The following IAPP variants were observed in gnomAD, a reference collection of about 807,000 sequenced individuals.
IAPP encodes the protein islet amyloid polypeptide, also known as Islet amyloid polypeptide (diabetes-associated peptide; amylin).
A neutral mutation model predicts 2.9 loss-of-function variants in IAPP; 4 were observed. That is an observed-to-expected ratio of 1.39 (90% CI 0.69 to 3.19). The LOEUF is 3.19. Ranked by LOEUF, IAPP falls within the 30% of genes most tolerant of loss-of-function variation. The pLI, the probability that IAPP is intolerant of heterozygous loss-of-function variation, is 0.01. For missense variants in IAPP, 114 were observed against 105.3 expected (o/e 1.08, Z -0.36); for synonymous variants, 40 against 42.1 (o/e 0.95, Z 0.19).
intron 1 of IAPP, among the ~76,000 whole-genome samples, chr12:21,363,486 C>T (rs951449801): frequency 6.6e-6 from 1 of 152,070 alleles, no homozygotes; most frequent in East Asian, 1.9e-4. Context: ...ATTAAAAGAA[C>T]TACAGAAGCA....
intron 2 of IAPP, among the ~76,000 whole-genome samples, chr12:21,374,792 CTTTTT>C (rs1180151557): frequency 1.5e-4 from 22 of 151,384 alleles, no homozygotes; most frequent in African/African-American, 5.1e-4. Flanking sequence ...TTTACCCTCT[CTTTTT>C]TTTATTTTAT....
chr12:21,365,305 C>T (rs1431810812), intron 1 of IAPP, among the ~76,000 whole-genome samples: 1 of 152,118 alleles, frequency 6.6e-6, no homozygotes, highest in Non-Finnish European at 1.5e-5. Context: ...GAAAGGATTC[C>T]CTATTTAATA....
intron 2 of IAPP, among the ~76,000 whole-genome samples, chr12:21,376,687 A>T (rs1229836683): frequency 6.6e-6 from 1 of 152,040 alleles, no homozygotes; most frequent in African/African-American, 2.4e-5. Flanking sequence ...TTCACATGAG[A>T]TTATTAAATA....
At chr12:21,378,127 G>A (rs554307746) in intron 2 of IAPP, 110 bp from the exon 3 acceptor site, 21 of 993,444 alleles carry the variant, frequency 2.1e-5, no homozygotes, top group Non-Finnish European at 2.9e-5. Context: ...AGTTACTTAT[G>A]TGAAAATTGT....
At chr12:21,360,084 G>T (rs1405416384) in intron 1 of IAPP, among the ~76,000 whole-genome samples, 1 of 152,044 alleles carries the variant, frequency 6.6e-6, no homozygotes, top group African/African-American at 2.4e-5. Flanking sequence ...TCTGGAAAAT[G>T]CAAACAAATC....
upstream of IAPP, among the ~76,000 whole-genome samples, chr12:21,370,401 C>T (rs538848398): frequency 1.9e-3 from 291 of 151,468 alleles, no homozygotes; most frequent in African/African-American, 6.7e-3. Flanking sequence ...CATATATATA[C>T]ATGTGCCATG....
At chr12:21,361,709 T>C (rs1938904775) in intron 1 of IAPP, among the ~76,000 whole-genome samples, 1 of 152,142 alleles carries the variant, frequency 6.6e-6, no homozygotes. Flanking sequence ...AATGACCTGA[T>C]GGAGCTGAAA....
Position 21,356,465 on chromosome 12 carries a change from G to A in IAPP, c.-16+1452G>A, listed in dbSNP as rs534619109. On this transcript the variant is annotated intron_variant, in intron 1 of 2. Transcript: ENST00000539393. ...TACCTAAAGATAACAATAGAAGAACGGGCACAGTGGGATACAAAAGAAAAA... is the reference window on the plus strand; with the variant it reads ...TACCTAAAGATAACAATAGAAGAACAGGCACAGTGGGATACAAAAGAAAAA... Among the ~76,000 whole-genome samples, 21 of 151,788 alleles carry A rather than the reference G, an allele frequency of 1.4e-4. 1 individual carries two copies. Among genetic ancestry groups the A allele is most frequent in the Admixed American group, 1.1e-3 (17 of 15,236 alleles).
intron 1 of IAPP, among the ~76,000 whole-genome samples, chr12:21,357,932 G>A (rs571184801): frequency 6.6e-6 from 1 of 152,226 alleles, no homozygotes; most frequent in Non-Finnish European, 1.5e-5. Flanking sequence ...CTCCATAAAA[G>A]CACACAAAGA....
rs1403504221 is a variant in IAPP, at chr12:21,362,741, T to A, written c.-16+7728T>A. ...AAATGGAAAACAAAAAAAGGCAGGG[T>A]TGCAATCCTAGTCTCTGATAAAACA... On this transcript the variant is annotated intron_variant, in intron 1 of 2. Coordinates refer to the IAPP transcript ENST00000539393. Among the ~76,000 whole-genome samples, 4 of 152,028 alleles carry A rather than the reference T, an allele frequency of 2.6e-5. No homozygotes were observed. In the South Asian group the frequency reaches 8.3e-4, roughly 32 times the overall value.
At chr12:21,355,604 G>C (rs1938305637) in intron 1 of IAPP, among the ~76,000 whole-genome samples, 1 of 152,162 alleles carries the variant, frequency 6.6e-6, no homozygotes, top group Admixed American at 6.6e-5. Flanking sequence ...AGTGATCCTA[G>C]ATGTTAGGGA....
rs1939194716 is a variant in IAPP at position 21,364,343 on chromosome 12, A to C, written c.-15-8994A>C. On this transcript the variant is annotated intron_variant, in intron 1 of 2. Coordinates refer to the IAPP transcript ENST00000539393. ...GAAGAAAAGGCCTTTGACAAAATTT[A>C]ACAGCTCTTCATGCTGAAAACTCTC... is the stretch of plus-strand genomic sequence containing the variant. Among the ~76,000 whole-genome samples the C allele has an allele frequency of 2.0e-5, 3 of 152,246 alleles. No homozygotes were observed. In the South Asian group the frequency reaches 6.2e-4, roughly 31 times the overall value.
At chr12:21,369,347 C>T (rs551050183), upstream of IAPP, among the ~76,000 whole-genome samples, 6 of 152,252 alleles carry the variant, frequency 3.9e-5, no homozygotes, top group African/African-American at 1.4e-4. Flanking sequence ...GGTCTAAGGC[C>T]TCATGATCTC....
Position 21,378,408 on chromosome 12 carries a change from G to A in IAPP, c.252G>A (p.Leu84=). The A allele has an allele frequency of 1.2e-6, 2 of 1,613,654 alleles. No individual in the cohort carries two copies. The highest frequency in any genetic ancestry group is 1.7e-6 in the Non-Finnish European group (2 of 1,179,562). ...TAGAGGTTTTAAAGAGAGAGCCACTGAATTACTTGCCCCTTTAGAGGACAA... is the reference window on the plus strand; with the variant it reads ...TAGAGGTTTTAAAGAGAGAGCCACTAAATTACTTGCCCCTTTAGAGGACAA... ...NAVEVLKREP[L]NYLPL is the part of the protein sequence containing the mutation. Residue 84 remains leucine (L), a synonymous_variant, in exon 3 of 3, where the codon CTG becomes CTA. Coordinates refer to ENST00000240652, the MANE Select transcript of IAPP (RefSeq NM_000415.3).
At chr12:21,372,532 G>C (rs1050563267), upstream of IAPP, among the ~76,000 whole-genome samples, 2 of 152,096 alleles carry the variant, frequency 1.3e-5, no homozygotes, top group Non-Finnish European at 2.9e-5. Flanking sequence ...CTTGGGTTTA[G>C]ATATACCAAA....
chr12:21,363,659 TAAAG>T (rs967891759), intron 1 of IAPP, among the ~76,000 whole-genome samples: 1 of 151,782 alleles, frequency 6.6e-6, no homozygotes, highest in Non-Finnish European at 1.5e-5. Context: ...GCAAGACTAA[TAAAG>T]AAGAAAAGAG....
intron 2 of IAPP, among the ~76,000 whole-genome samples, chr12:21,376,709 G>A (rs1279239897): frequency 1.3e-5 from 2 of 151,864 alleles, no homozygotes; most frequent in Non-Finnish European, 2.9e-5. Flanking sequence ...TTACTCTTAG[G>A]CTATCTCTAC....
At chr12:21,369,499 T>G (rs1200114313), upstream of IAPP, among the ~76,000 whole-genome samples, 2 of 152,254 alleles carry the variant, frequency 1.3e-5, no homozygotes, top group Non-Finnish European at 2.9e-5. Context: ...AAGTCACTTA[T>G]GTTCTTTGAA....
upstream of IAPP, among the ~76,000 whole-genome samples, chr12:21,369,838 A>G (rs1265174337): frequency 6.6e-6 from 1 of 152,190 alleles, no homozygotes; most frequent in Non-Finnish European, 1.5e-5. Flanking sequence ...CTTGTCCTTT[A>G]GAAAGGAGAT....
Sources: gnomAD v4.1 joint callset for allele counts (sites outside exome capture counted in the v4.1 genomes callset) on GRCh38, gnomAD v4.1.1 for gene constraint, MANE v1.5 for transcripts, NCBI Gene and HGNC (gene_info 2026-07-23, HGNC 2026-07-21) for gene names.